AK8: variants seen among roughly 807,000 people sequenced by gnomAD.
AK8 encodes ATP-AMP transphosphorylase 8.
AK8 carries 44 observed loss-of-function variants against 54.6 expected under a neutral mutation model. The observed-to-expected ratio is 0.81, with a 90% CI of 0.63 to 1.04. The LOEUF (loss-of-function observed/expected upper bound fraction) is 1.04. Ranked by LOEUF, AK8 falls within the 50% of genes least tolerant of loss-of-function variation. The pLI is 0.00. For missense variants in AK8, 555 were observed against 613.6 expected (o/e 0.90, Z 1.01); for synonymous variants, 239 against 245.6 (o/e 0.97, Z 0.25).
At chr9:132,760,672 C>T (rs1295528834) in intron 11 of AK8, among the ~76,000 whole-genome samples, 1 of 152,050 alleles carries the variant, frequency 6.6e-6, no homozygotes, top group Non-Finnish European at 1.5e-5. Context: ...AAAGGGCATG[C>T]TTCTAACATT....
At chr9:132,771,918 C>A (rs1244710437) in intron 11 of AK8, among the ~76,000 whole-genome samples, 1 of 152,124 alleles carries the variant, frequency 6.6e-6, no homozygotes, top group African/African-American at 2.4e-5. Flanking sequence ...TGGCGTAAGG[C>A]AAGGAGGAGC....
intron 1 of AK8, among the ~76,000 whole-genome samples, chr9:132,876,097 G>A (rs1441263268): frequency 6.6e-6 from 1 of 152,192 alleles, no homozygotes; most frequent in African/African-American, 2.4e-5. Flanking sequence ...CCCTCTTGGA[G>A]TGAAGGGAGT....
intron 5 of AK8, among the ~76,000 whole-genome samples, chr9:132,836,200 G>A (rs2131330578): frequency 6.6e-6 from 1 of 152,286 alleles, no homozygotes; most frequent in Middle Eastern, 3.4e-3. Context: ...GAGGTGGAAG[G>A]ATCACTTGAG....
At chr9:132,727,827 A>G (rs981579501) in intron 11 of AK8, among the ~76,000 whole-genome samples, 1 of 152,110 alleles carries the variant, frequency 6.6e-6, no homozygotes, top group African/African-American at 2.4e-5. Flanking sequence ...CCATCCCTGT[A>G]GACCGAGCTT....
chr9:132,777,864 AAC>A (rs1204891498), intron 11 of AK8, among the ~76,000 whole-genome samples: 4 of 152,214 alleles, frequency 2.6e-5, no homozygotes, highest in African/African-American at 7.2e-5. Flanking sequence ...TCCCACCCCC[AAC>A]ACACGCCCCA....
At chr9:132,852,832 G>C (rs1316484453) in intron 5 of AK8, among the ~76,000 whole-genome samples, 2 of 150,066 alleles carry the variant, frequency 1.3e-5, no homozygotes, top group Non-Finnish European at 3.0e-5. Flanking sequence ...AAAAAGACTG[G>C]AGCCTCAGGG....
At chr9:132,732,643 T>C (rs1318637821) in intron 11 of AK8, among the ~76,000 whole-genome samples, 1 of 151,988 alleles carries the variant, frequency 6.6e-6, no homozygotes, top group Non-Finnish European at 1.5e-5. Context: ...AAGCCCGGGG[T>C]TCCCTGGGGC....
At position 132,855,426 on chromosome 9, in the gene AK8, G is replaced by A. The variant is rs996301905; in HGVS notation, c.334-501C>T. 2.6e-5 allele frequency among the ~76,000 whole-genome samples: 4 copies of A among 152,310 alleles called. No homozygotes were observed. The East Asian group carries it at 5.8e-4, about 22-fold the overall frequency. ...CTGACTCTGGACTCCAGACAGTGGC[G>A]GGTGGGAGGGGATTGGCTCCAAGAC... On this transcript the variant is annotated intron_variant, in intron 4 of 12. Transcript: ENST00000298545.
At position 132,803,698 on chromosome 9, in the gene AK8, C is replaced by G. The variant is rs1840577257; in HGVS notation, c.980-10923G>C. Among the ~76,000 whole-genome samples the G allele has an allele frequency of 6.6e-6, 1 of 152,158 alleles. No individual in the cohort carries two copies. The highest frequency in any genetic ancestry group is 1.5e-5 in the Non-Finnish European group (1 of 68,034). On this transcript the variant is annotated intron_variant, in intron 10 of 12. Coordinates refer to ENST00000298545, the MANE Select transcript of AK8 (RefSeq NM_152572.3). This position sits in a 1 kb window ranked among gnomAD's most constrained non-coding sequence, Gnocchi z 4.4. ...AGCAGAGTCTGAATGGGAACCAAGTCTGTGTGATTCTGAGCCACGGCCCCT... is the reference window on the plus strand; with the variant it reads ...AGCAGAGTCTGAATGGGAACCAAGTGTGTGTGATTCTGAGCCACGGCCCCT...
chr9:132,839,089 G>T (rs1485841265), intron 5 of AK8, among the ~76,000 whole-genome samples: 1 of 151,782 alleles, frequency 6.6e-6, no homozygotes, highest in Non-Finnish European at 1.5e-5. Flanking sequence ...GATTACAGGC[G>T]CCCACCACCA....
chr9:132,839,282 C>T (rs796128280), intron 5 of AK8, among the ~76,000 whole-genome samples: 2 of 152,318 alleles, frequency 1.3e-5, no homozygotes, highest in African/African-American at 4.8e-5. Context: ...TTTTGCTCTT[C>T]ACCAACTGTG....
At chr9:132,827,278 A>T in intron 7 of AK8, 1 of 600,838 alleles carries the variant, frequency 1.7e-6, no homozygotes, top group Non-Finnish European at 3.0e-6. Flanking sequence ...ACCCAGGGCA[A>T]GGGCTGCCGT....
At chr9:132,816,526 A>G (rs1357526765) in intron 9 of AK8, among the ~76,000 whole-genome samples, 3 of 152,202 alleles carry the variant, frequency 2.0e-5, no homozygotes, top group African/African-American at 7.2e-5. Context: ...AACCTGCTTT[A>G]GGTCACAGAG....
rs867830285 is a variant in AK8, at chr9:132,781,405, C to T, written c.1121+11229G>A. Among the ~76,000 whole-genome samples the T allele has an allele frequency of 3.9e-5, 6 of 152,088 alleles. No individual in the cohort carries two copies. Among genetic ancestry groups the T allele is most frequent in the Middle Eastern group, 3.2e-3 (1 of 316 alleles). On this transcript the variant is annotated intron_variant, in intron 11 of 12. Coordinates refer to ENST00000298545, the MANE Select transcript of AK8 (RefSeq NM_152572.3). This position sits in a 1 kb window ranked among gnomAD's most constrained non-coding sequence, Gnocchi z 4.6. The stretch of plus-strand genomic sequence containing the variant: ...CAAAACATTGCATTTGAACACTACC[C>T]ATTTATTAGCTCTAAGAAGAGATTT...
chr9:132,778,504 G>T (rs1839323295), intron 11 of AK8, among the ~76,000 whole-genome samples: 1 of 152,094 alleles, frequency 6.6e-6, no homozygotes, highest in Non-Finnish European at 1.5e-5. Flanking sequence ...AGTGGGGCGG[G>T]CAAGAAACCC....
chr9:132,748,961 G>A (rs1421503036), intron 11 of AK8, among the ~76,000 whole-genome samples: 1 of 151,732 alleles, frequency 6.6e-6, no homozygotes, highest in Non-Finnish European at 1.5e-5. Flanking sequence ...TGCAACCTCC[G>A]CCTCCCGGGT....
chr9:132,761,342 C>A (rs550390889), intron 11 of AK8, among the ~76,000 whole-genome samples: 26 of 150,242 alleles, frequency 1.7e-4, no homozygotes, highest in African/African-American at 5.7e-4. Flanking sequence ...TCTTGGCTGC[C>A]ACCTCTGCCT....
intron 5 of AK8, among the ~76,000 whole-genome samples, chr9:132,850,897 TAAA>T (rs34133877): frequency 2.2e-5 from 3 of 135,310 alleles, no homozygotes; most frequent in South Asian, 2.3e-4. Flanking sequence ...TAGGTGCATT[TAAA>T]AAAAAAAAAA....
chr9:132,754,005 A>ATCTG (rs1420844999), intron 11 of AK8, among the ~76,000 whole-genome samples: 1 of 152,170 alleles, frequency 6.6e-6, no homozygotes, highest in African/African-American at 2.4e-5. Context: ...GCGGTTCCAG[A>ATCTG]AGGCAGCTCT....
Sources: allele counts gnomAD v4.1 joint callset (sites outside exome capture counted in the v4.1 genomes callset), GRCh38; gene constraint gnomAD v4.1.1; non-coding constraint Gnocchi (gnomAD v3.1); transcripts MANE v1.5; gene names NCBI Gene and HGNC (gene_info 2026-07-23, HGNC 2026-07-21).